Variants in GRIP2 observed in about 807,000 individuals in gnomAD.
The protein encoded by GRIP2 is glutamate receptor-interacting protein 2.
In GRIP2, 58 loss-of-function variants were observed where a neutral mutation model predicts 108.3. The ratio of observed to expected loss-of-function variants is 0.54; its 90% confidence interval spans 0.43 to 0.67. The LOEUF is 0.67. GRIP2 is among the 30% of genes least tolerant of loss of function. The pLI is 0.00. For synonymous variants in GRIP2, 586 were observed against 598.2 expected, an observed-to-expected ratio of 0.98 and a Z score of 0.30; for missense variants, 1,278 against 1,430.6, an observed-to-expected ratio of 0.89 and a Z score of 1.72.
chr3:14,514,816 C>T (rs1288523166), intron 11 of GRIP2, among the ~76,000 whole-genome samples: 1 of 152,222 alleles, frequency 6.6e-6, no homozygotes, highest in South Asian at 2.1e-4. Context: ...TATTATGTCA[C>T]TCTGCTTTTC....
At chr3:14,580,665 G>A in the GRIP2 span, among the ~76,000 whole-genome samples, 4 of 152,264 alleles carry the variant, frequency 2.6e-5, no homozygotes, top group African/African-American at 7.2e-5. Flanking sequence ...TGTACTTCAT[G>A]CACTCCAGCC....
chr3:14,585,284 G>C, the GRIP2 span, among the ~76,000 whole-genome samples: 4 of 152,238 alleles, frequency 2.6e-5, no homozygotes, highest in African/African-American at 9.6e-5. Context: ...GCCTCCCAAA[G>C]GGCTGGTATT....
At chr3:14,495,659 C>A (rs568583955) in intron 22 of GRIP2, among the ~76,000 whole-genome samples, 3 of 152,212 alleles carry the variant, frequency 2.0e-5, no homozygotes, top group African/African-American at 7.2e-5. Context: ...CCCACCTCAG[C>A]CTCCCAAAGT....
At chr3:14,527,367 T>TGAAAGGAAAGGAAAGGAAAGGAAA (rs1694585884) in intron 1 of GRIP2, among the ~76,000 whole-genome samples, 1 of 135,784 alleles carries the variant, frequency 7.4e-6, no homozygotes, top group African/African-American at 2.8e-5. Flanking sequence ...TCTAATTACT[T>TGAAAGGAAAGGAAAGGAAAGGAAA]GAAAGGAAAG....
At chr3:14,573,400 T>A in the GRIP2 span, 13 of 1,342,412 alleles carry the variant, frequency 9.7e-6, no homozygotes, top group Admixed American at 1.6e-4. Flanking sequence ...TGGAAGCAGA[T>A]GGACACCAGG....
At chr3:14,579,095 G>T in the GRIP2 span, among the ~76,000 whole-genome samples, 1 of 152,164 alleles carries the variant, frequency 6.6e-6, no homozygotes, top group Non-Finnish European at 1.5e-5. Flanking sequence ...ATGGATGAAC[G>T]CTCTGAGGTA....
upstream of GRIP2, among the ~76,000 whole-genome samples, chr3:14,556,241 C>T (rs1330875825): frequency 6.6e-6 from 1 of 152,326 alleles, no homozygotes; most frequent in East Asian, 1.9e-4. Context: ...CCCTCAAGTC[C>T]TCTTCCCACC....
At chr3:14,555,422 C>T (rs1331205172) in intron 1 of GRIP2, among the ~76,000 whole-genome samples, 2 of 151,928 alleles carry the variant, frequency 1.3e-5, no homozygotes, top group Non-Finnish European at 2.9e-5. Flanking sequence ...ACAGGAAAGT[C>T]CAGAGAGACC....
chr3:14,592,576 C>G, the GRIP2 span, among the ~76,000 whole-genome samples: 1 of 152,288 alleles, frequency 6.6e-6, no homozygotes, highest in African/African-American at 2.4e-5. Context: ...GCTGTCCTCA[C>G]GGTTTGGGCT....
chr3:14,556,951 C>A (rs1695245478), upstream of GRIP2, among the ~76,000 whole-genome samples: 1 of 152,244 alleles, frequency 6.6e-6, no homozygotes, highest in African/African-American at 2.4e-5. Flanking sequence ...TTCCTCCATC[C>A]TTTTCCCAAA....
At chr3:14,495,551 C>T (rs1210062601) in intron 22 of GRIP2, among the ~76,000 whole-genome samples, 4 of 152,130 alleles carry the variant, frequency 2.6e-5, no homozygotes, top group South Asian at 2.1e-4. Flanking sequence ...GGACTACAGA[C>T]GTGTGCCACC....
chr3:14,575,340 G>A, the GRIP2 span, among the ~76,000 whole-genome samples: 1 of 152,226 alleles, frequency 6.6e-6, no homozygotes, highest in Non-Finnish European at 1.5e-5. Flanking sequence ...GGTGATTCCA[G>A]TTCACAAGGT....
At chr3:14,509,758 C>T in intron 17 of GRIP2, 62 bp downstream of exon 17, 2 of 1,335,416 alleles carry the variant, frequency 1.5e-6, no homozygotes, top group Non-Finnish European at 1.9e-6. Context: ...TTGCCATAGC[C>T]CCAGCTCTTG....
chr3:14,503,299 C>T (rs1200357459), intron 21 of GRIP2, among the ~76,000 whole-genome samples: 2 of 152,256 alleles, frequency 1.3e-5, no homozygotes, highest in Non-Finnish European at 1.5e-5. Flanking sequence ...CATATGCTCC[C>T]AATGTACACA....
chr3:14,528,419 T>C (rs1343090263), intron 1 of GRIP2, among the ~76,000 whole-genome samples: 3 of 152,244 alleles, frequency 2.0e-5, no homozygotes, highest in African/African-American at 7.2e-5. Flanking sequence ...CTAGGTGGTA[T>C]GGCAAGAATA....
the GRIP2 span, among the ~76,000 whole-genome samples, chr3:14,596,258 C>A: frequency 3.9e-3 from 598 of 152,344 alleles, 3 homozygotes; most frequent in African/African-American, 0.013. Context: ...CAGCCAATCA[C>A]AGGGCTTTGA....
At position 14,503,864 on chromosome 3, in the gene GRIP2, GAA is replaced by G. The variant is rs1693841046; in HGVS notation, c.2574-195_2574-194del. ...CAGTGGTTGGTGACACGGAATAGGGGAAAGACGCAGTTAGGGGCGACCAGGAC... is the reference window on the plus strand; with the variant it reads ...CAGTGGTTGGTGACACGGAATAGGGGAGACGCAGTTAGGGGCGACCAGGAC... On this transcript the variant is annotated intron_variant, in intron 20 of 23. Transcript: ENST00000621039. 4 of 592,718 alleles carry G rather than the reference GAA, an allele frequency of 6.7e-6. No homozygotes were observed. The African/African-American group carries it at 7.5e-5, about 11-fold the overall frequency. The allele number at this position is 592,718 out of a possible 1,614,324, so 36.7% of individuals were successfully genotyped here. A position where few individuals can be genotyped will look rare whatever the true frequency, so the allele number is the denominator to read the frequency against.
At chr3:14,572,796 C>T in the GRIP2 span, 5 of 706,538 alleles carry the variant, frequency 7.1e-6, no homozygotes, top group South Asian at 3.3e-5. Context: ...TCAGGGTTGT[C>T]GTGTCTGGCT....
At chr3:14,591,412 A>G in the GRIP2 span, among the ~76,000 whole-genome samples, 1 of 152,156 alleles carries the variant, frequency 6.6e-6, no homozygotes, top group African/African-American at 2.4e-5. Context: ...GCCACTTCCC[A>G]GCAGCGCATC....
Sources: allele counts gnomAD v4.1 joint callset (sites outside exome capture counted in the v4.1 genomes callset), GRCh38; gene constraint gnomAD v4.1.1; transcripts MANE v1.5; gene names NCBI Gene and HGNC (gene_info 2026-07-23, HGNC 2026-07-21).